Variants in NDE1 observed in about 807,000 individuals in gnomAD.
NDE1 encodes nuclear distribution protein nudE homolog 1.
A neutral mutation model predicts 43.4 loss-of-function variants in NDE1; 28 were observed. The ratio of observed to expected loss-of-function variants is 0.65; its 90% CI spans 0.48 to 0.89. The LOEUF (loss-of-function observed/expected upper bound fraction) is 0.89. Ranked by LOEUF, NDE1 falls within the 40% of genes least tolerant of loss-of-function variation. The pLI, the probability that NDE1 is intolerant of heterozygous loss-of-function variation, is 0.00. For synonymous variants in NDE1, 184 were observed against 172.0 expected (o/e 1.07, Z -0.55); for missense variants, 441 against 434.1 (o/e 1.02, Z -0.14).
At chr16:15,700,079 C>G (rs946536158) in intron 8 of NDE1, 25 of 1,164,528 alleles carry the variant, frequency 2.1e-5, no homozygotes, top group Non-Finnish European at 2.7e-5. Flanking sequence ...GGGAAGGGCT[C>G]TAAGTTGTCG....
At chr16:15,655,549 A>G (rs925743976) in intron 1 of NDE1, among the ~76,000 whole-genome samples, 1 of 152,214 alleles carries the variant, frequency 6.6e-6, no homozygotes, top group Non-Finnish European at 1.5e-5. Flanking sequence ...AACTAGTTCA[A>G]CCATTGTAGA....
chr16:15,669,350 C>G (rs1213137965), intron 3 of NDE1, among the ~76,000 whole-genome samples: 2 of 150,912 alleles, frequency 1.3e-5, no homozygotes, highest in African/African-American at 4.9e-5. Flanking sequence ...CCCTCCACCA[C>G]GCCTGGCTAA....
chr16:15,685,152 T>C (rs2038375367), intron 4 of NDE1, among the ~76,000 whole-genome samples: 1 of 152,250 alleles, frequency 6.6e-6, no homozygotes, highest in Non-Finnish European at 1.5e-5. Flanking sequence ...TACATATTAT[T>C]ATGTGAATAT....
intron 1 of NDE1, among the ~76,000 whole-genome samples, chr16:15,654,838 C>T (rs896818410): frequency 1.3e-5 from 2 of 150,048 alleles, no homozygotes; most frequent in Non-Finnish European, 2.9e-5. Flanking sequence ...CCATCTCTTA[C>T]AGTCACACAG....
At chr16:15,717,400 C>T (rs761304474) in intron 8 of NDE1, 24 of 1,578,952 alleles carry the variant, frequency 1.5e-5, no homozygotes, top group East Asian at 8.9e-5. Flanking sequence ...CCCAAGAGAG[C>T]GCACTGAGAC....
intron 8 of NDE1, among the ~76,000 whole-genome samples, chr16:15,708,520 A>G (rs1418831672): frequency 1.3e-5 from 2 of 152,218 alleles, no homozygotes; most frequent in Non-Finnish European, 2.9e-5. Context: ...AGCCTCTGCC[A>G]TCTCGTCAAG....
chr16:15,672,380 T>C (rs1466645223), intron 3 of NDE1, among the ~76,000 whole-genome samples: 2 of 151,960 alleles, frequency 1.3e-5, no homozygotes, highest in Non-Finnish European at 2.9e-5. Context: ...TGCAGTGAGC[T>C]GAGATTGCGC....
chr16:15,662,280 C>CTTT (rs774915905), intron 1 of NDE1, among the ~76,000 whole-genome samples: 11 of 124,958 alleles, frequency 8.8e-5, no homozygotes, highest in Non-Finnish European at 1.2e-4. Context: ...TTTCTCTTTT[C>CTTT]TTTTTTTTTT....
At chr16:15,694,315 A>G in intron 7 of NDE1, 59 bp downstream of exon 7, 1 of 1,592,196 alleles carries the variant, frequency 6.3e-7, no homozygotes, top group Non-Finnish European at 8.5e-7. Context: ...GGATGTGTGA[A>G]GGGGGTTGAT....
chr16:15,686,387 C>T (rs2038440887), intron 4 of NDE1: 4 of 985,046 alleles, frequency 4.1e-6, no homozygotes, highest in Non-Finnish European at 4.8e-6. Flanking sequence ...TGTTTTCTTA[C>T]AGCACTTGGC....
chr16:15,720,166 C>T lies in NDE1; in HGVS notation c.948-4025C>T, dbSNP rs886051740. The T allele has an allele frequency of 6.2e-7, 1 of 1,613,996 alleles. No homozygotes were observed. Among genetic ancestry groups the T allele is most frequent in the Non-Finnish European group, 8.5e-7 (1 of 1,180,032 alleles). ...TGTCACCCACCTGCAGTTTGCGTAG[C>T]TGCTTGATGGCTTCCTCCCTCCCCT... On this transcript the variant is annotated intron_variant, in intron 8 of 8. Coordinates refer to ENST00000396354, the MANE Select transcript of NDE1 (RefSeq NM_017668.3).
intron 4 of NDE1, among the ~76,000 whole-genome samples, chr16:15,679,903 G>A (rs559535529): frequency 5.9e-5 from 9 of 152,112 alleles, no homozygotes; most frequent in East Asian, 3.9e-4. Context: ...CTCAACCTCC[G>A]GAGTAGCTGG....
chr16:15,686,809 C>T (rs1195450364), intron 4 of NDE1, among the ~76,000 whole-genome samples: 2 of 152,144 alleles, frequency 1.3e-5, no homozygotes, highest in African/African-American at 4.8e-5. Context: ...TGGCAGTTCT[C>T]CCACCTCAGC....
At chr16:15,656,315 G>T (rs2036765246) in intron 1 of NDE1, among the ~76,000 whole-genome samples, 1 of 151,890 alleles carries the variant, frequency 6.6e-6, no homozygotes. Context: ...GATTTTGCAG[G>T]CTGTGATACA....
chr16:15,708,018 T>A (rs138033033), intron 8 of NDE1, among the ~76,000 whole-genome samples: 200 of 151,000 alleles, frequency 1.3e-3, no homozygotes, highest in Non-Finnish European at 2.3e-3. Context: ...TCATGCTTTC[T>A]TGGGAAGGGC....
At position 15,715,197 on chromosome 16, in the gene NDE1, G is replaced by A. The variant is rs750821241; in HGVS notation, c.948-8994G>A. The A allele has an allele frequency of 1.7e-5, 27 of 1,613,956 alleles. No individual in the cohort carries two copies. Among genetic ancestry groups the A allele is most frequent in the East Asian group, 4.5e-5 (2 of 44,884 alleles). On this transcript the variant is annotated intron_variant, in intron 8 of 8. Coordinates refer to ENST00000396354, the MANE Select transcript of NDE1 (RefSeq NM_017668.3). ...TGTACTGCTCGGCCATCTTGCGCTC[G>A]TCCTCCACCTGCAGCAAGATTTCCT...
chr16:15,665,960 T>C (rs1255761432), intron 2 of NDE1, among the ~76,000 whole-genome samples: 1 of 152,096 alleles, frequency 6.6e-6, no homozygotes, highest in Non-Finnish European at 1.5e-5. Flanking sequence ...TTCTCCATGT[T>C]GGTCAGGCAG....
intron 8 of NDE1, among the ~76,000 whole-genome samples, chr16:15,700,855 G>A (rs540389038): frequency 1.3e-5 from 2 of 152,222 alleles, no homozygotes; most frequent in African/African-American, 2.4e-5. Context: ...AGGTGGAATC[G>A]TCTTCCAGAA....
chr16:15,658,413 C>T (rs750050815), intron 1 of NDE1, among the ~76,000 whole-genome samples: 91 of 152,238 alleles, frequency 6.0e-4, no homozygotes, highest in Admixed American at 1.8e-3. Context: ...GTGAATTAGG[C>T]CCACCTCTGT....
Sources: allele counts gnomAD v4.1 joint callset (sites outside exome capture counted in the v4.1 genomes callset), GRCh38; gene constraint gnomAD v4.1.1; transcripts MANE v1.5; gene names NCBI Gene and HGNC (gene_info 2026-07-23, HGNC 2026-07-21).